The following DYNC1I1 variants were observed in gnomAD, a reference collection of about 807,000 sequenced individuals.
DYNC1I1 encodes cytoplasmic dynein 1 intermediate chain 1.
Under a neutral mutation model 86.6 loss-of-function variants are expected in DYNC1I1, and 43 were observed. That is an observed-to-expected ratio of 0.50 (90% CI 0.39 to 0.64). The LOEUF is 0.64. Among genes scored for constraint, DYNC1I1 ranks in the 30% least tolerant of loss-of-function variants. The pLI is 0.00. For synonymous variants in DYNC1I1, 262 were observed against 283.7 expected (o/e 0.92, Z 0.77); for missense variants, 604 against 788.8 (o/e 0.77, Z 2.81).
intron 16 of DYNC1I1, among the ~76,000 whole-genome samples, chr7:96,083,481 A>C (rs929696510): frequency 3.4e-5 from 5 of 148,410 alleles, no homozygotes; most frequent in African/African-American, 5.3e-5. Flanking sequence ...CTTAAGGGCA[A>C]ATGCTGCCAT....
At chr7:95,942,835 A>G (rs1792271505) in intron 6 of DYNC1I1, among the ~76,000 whole-genome samples, 1 of 145,220 alleles carries the variant, frequency 6.9e-6, no homozygotes, top group Admixed American at 7.0e-5. Flanking sequence ...CTTCATGCTA[A>G]AAACTCTCAA....
chr7:95,938,031 T>G (rs1792095619), intron 6 of DYNC1I1, among the ~76,000 whole-genome samples: 1 of 152,108 alleles, frequency 6.6e-6, no homozygotes, highest in African/African-American at 2.4e-5. Context: ...TTGGGCCCAC[T>G]TCTTCCTTTT....
intron 6 of DYNC1I1, among the ~76,000 whole-genome samples, chr7:95,942,513 C>T (rs1388336004): frequency 1.3e-5 from 2 of 152,238 alleles, no homozygotes; most frequent in African/African-American, 4.8e-5. Context: ...TCCTCCCTAA[C>T]TCATTTTATG....
intron 14 of DYNC1I1, among the ~76,000 whole-genome samples, chr7:96,040,214 ACAGAGC>A (rs1356101973): frequency 6.6e-6 from 1 of 152,108 alleles, no homozygotes; most frequent in Non-Finnish European, 1.5e-5. Flanking sequence ...AGCCTGGGTG[ACAGAGC>A]CAGACTCCAT....
chr7:95,938,326 T>A (rs1792105243), intron 6 of DYNC1I1, among the ~76,000 whole-genome samples: 1 of 152,180 alleles, frequency 6.6e-6, no homozygotes, highest in South Asian at 2.1e-4. Context: ...TTGATAAAGT[T>A]TCTGAGTCTC....
At chr7:95,970,219 C>T (rs1489164326) in intron 6 of DYNC1I1, among the ~76,000 whole-genome samples, 2 of 152,150 alleles carry the variant, frequency 1.3e-5, no homozygotes, top group Admixed American at 6.5e-5. Context: ...TCATCACACC[C>T]GCTGGCAACT....
At chr7:95,942,462 A>G (rs1459712352) in intron 6 of DYNC1I1, among the ~76,000 whole-genome samples, 2 of 152,198 alleles carry the variant, frequency 1.3e-5, no homozygotes, top group Non-Finnish European at 2.9e-5. Context: ...AACTGGTACC[A>G]TTCCTTCTGA....
At chr7:95,837,264 C>G (rs2115988014) in intron 5 of DYNC1I1, among the ~76,000 whole-genome samples, 1 of 152,116 alleles carries the variant, frequency 6.6e-6, no homozygotes, top group Non-Finnish European at 1.5e-5. Flanking sequence ...GGGGGTGCCT[C>G]CCAGTTAGGC....
At chr7:95,810,093 A>G (rs2115826266) in intron 2 of DYNC1I1, among the ~76,000 whole-genome samples, 1 of 152,204 alleles carries the variant, frequency 6.6e-6, no homozygotes, top group African/African-American at 2.4e-5. Context: ...TTTTTTTTAT[A>G]TTATATCCCC....
intron 6 of DYNC1I1, among the ~76,000 whole-genome samples, chr7:95,920,974 C>T (rs181343404): frequency 8.2e-4 from 125 of 152,202 alleles, no homozygotes; most frequent in Middle Eastern, 3.4e-3. Context: ...AGTAGATGGC[C>T]GCTTTCACAT....
At chr7:95,952,638 G>C (rs1447951074) in intron 6 of DYNC1I1, among the ~76,000 whole-genome samples, 1 of 152,090 alleles carries the variant, frequency 6.6e-6, no homozygotes, top group Non-Finnish European at 1.5e-5. Context: ...TCCTCCCACA[G>C]TCTGTCTATT....
At chr7:96,080,602 G>A (rs935169475) in intron 16 of DYNC1I1, 114 bp downstream of exon 16, 1 of 1,571,938 alleles carries the variant, frequency 6.4e-7, no homozygotes, top group African/African-American at 1.3e-5. Flanking sequence ...TAACGTGCTT[G>A]TAAATTTCCA....
chr7:95,797,157 A>G (rs1020012078), intron 1 of DYNC1I1, among the ~76,000 whole-genome samples: 1 of 152,182 alleles, frequency 6.6e-6, no homozygotes, highest in Non-Finnish European at 1.5e-5. Context: ...CTACCAACCA[A>G]GTAGTTGTCT....
intron 14 of DYNC1I1, chr7:96,055,887 G>A (rs1310412538): frequency 6.6e-6 from 1 of 152,150 alleles, no homozygotes; most frequent in East Asian, 1.9e-4. Flanking sequence ...GTGATTAAGT[G>A]GAATAGCTTT....
intron 16 of DYNC1I1, among the ~76,000 whole-genome samples, chr7:96,081,296 A>G (rs1436418112): frequency 1.3e-5 from 2 of 151,998 alleles, no homozygotes; most frequent in African/African-American, 4.8e-5. Flanking sequence ...CATGATACAC[A>G]AAGTATTCCT....
intron 6 of DYNC1I1, among the ~76,000 whole-genome samples, chr7:95,967,643 C>A (rs188174245): frequency 4.1e-4 from 63 of 152,298 alleles, no homozygotes; most frequent in Middle Eastern, 3.4e-3. Context: ...CCATATACTT[C>A]AACTGTTTAT....
intron 6 of DYNC1I1, among the ~76,000 whole-genome samples, chr7:95,970,943 T>A (rs1055869771): frequency 6.6e-6 from 1 of 151,942 alleles, no homozygotes; most frequent in Admixed American, 6.6e-5. Flanking sequence ...GACAGGCAGA[T>A]TCAAGACAGA....
At chr7:95,892,811 C>A (rs1790779224) in intron 6 of DYNC1I1, among the ~76,000 whole-genome samples, 1 of 151,944 alleles carries the variant, frequency 6.6e-6, no homozygotes, top group Non-Finnish European at 1.5e-5. Flanking sequence ...ATTAGCAATA[C>A]AAATGCTATC....
intron 1 of DYNC1I1, among the ~76,000 whole-genome samples, chr7:95,791,323 A>G (rs900500719): frequency 1.3e-5 from 2 of 152,206 alleles, no homozygotes; most frequent in African/African-American, 2.4e-5. Flanking sequence ...CTACTGGCCC[A>G]TGTTGTCTTG....
Sources: allele counts gnomAD v4.1 joint callset (sites outside exome capture counted in the v4.1 genomes callset), GRCh38; gene constraint gnomAD v4.1.1; transcripts MANE v1.5; gene names NCBI Gene and HGNC (gene_info 2026-07-23, HGNC 2026-07-21).